TNC: variants seen among roughly 807,000 people sequenced by gnomAD.
TNC encodes the protein tenascin.
Under a neutral mutation model 202.4 loss-of-function variants are expected in TNC, and 109 were observed. The observed-to-expected ratio is 0.54, with a 90% CI of 0.46 to 0.63. TNC has a LOEUF of 0.63. TNC is among the 30% of genes least tolerant of loss of function. TNC has a pLI of 0.00. For missense variants in TNC, 2,756 were observed against 2,833.3 expected (o/e 0.97, Z 0.62); for synonymous variants, 1,007 against 1,089.7 (o/e 0.92, Z 1.50).
rs572751334 is a variant in TNC at position 115,076,203 on chromosome 9, T to C, written c.2861-82A>G. 55 of 1,473,542 alleles carry C rather than the reference T, an allele frequency of 3.7e-5. No homozygotes were observed. The African/African-American group carries it at 7.2e-4, about 19-fold the overall frequency. 91.3% of individuals were successfully genotyped at this position (1,473,542 alleles called of 1,614,324 possible). A position where few individuals can be genotyped will look rare whatever the true frequency, so the allele number is the denominator to read the frequency against. ...GATGATAAAAATGGCTTTGAGTTGGTCTCTGGAGGCTACAACAAATTTTCG... is the reference window on the plus strand; with the variant it reads ...GATGATAAAAATGGCTTTGAGTTGGCCTCTGGAGGCTACAACAAATTTTCG... On this transcript the variant is annotated intron_variant, in intron 8 of 27. Transcript: ENST00000350763.
chr9:115,053,109 C>G (rs917091011), intron 15 of TNC: 1 of 637,566 alleles, frequency 1.6e-6, no homozygotes, highest in Non-Finnish European at 2.9e-6. Context: ...ATGAAAGCAT[C>G]AATATCTCCA....
At chr9:115,068,937 C>A (rs942335562) in intron 10 of TNC, among the ~76,000 whole-genome samples, 1 of 152,170 alleles carries the variant, frequency 6.6e-6, no homozygotes, top group African/African-American at 2.4e-5. Context: ...TCCCACAAAT[C>A]CCTCTAAAAC....
At chr9:115,110,021 C>G (rs1428112840) in intron 1 of TNC, among the ~76,000 whole-genome samples, 1 of 152,046 alleles carries the variant, frequency 6.6e-6, no homozygotes, top group South Asian at 2.1e-4. Context: ...GAGGGGCAGA[C>G]AGGCCATTCC....
intron 27 of TNC, among the ~76,000 whole-genome samples, 181 bp from the exon 28 acceptor site, chr9:115,021,448 G>T (rs1829064542): frequency 6.6e-6 from 1 of 152,170 alleles, no homozygotes; most frequent in Admixed American, 6.5e-5. Context: ...GGTCTGGGTT[G>T]TGGAAACTTT....
chr9:115,078,497 A>T (rs913663147), intron 6 of TNC, among the ~76,000 whole-genome samples: 2 of 151,966 alleles, frequency 1.3e-5, no homozygotes, highest in African/African-American at 2.4e-5. Flanking sequence ...CACATGAAAA[A>T]AAAAAAGGTT....
intron 15 of TNC, among the ~76,000 whole-genome samples, chr9:115,048,873 C>T (rs1019526506): frequency 5.9e-5 from 9 of 151,620 alleles, no homozygotes; most frequent in African/African-American, 1.9e-4. Context: ...GTTCTTTATA[C>T]AAATAGGTTG....
Position 115,030,330 on chromosome 9 carries a change from G to T in TNC, c.5996C>A (p.Thr1999Asn), listed in dbSNP as rs376405805. Residue 1999 changes from threonine to asparagine, a missense_variant, in exon 24 of 28, where the codon ACC becomes AAC. Thr to Asn is a moderately conservative substitution (Grantham distance 65). This residue lies in a region of TNC where 197 missense variants were observed against 287.3 expected (regional missense o/e 0.69). Coordinates refer to ENST00000350763, the MANE Select transcript of TNC (RefSeq NM_002160.4). ...LNGDTTSGLY[T>N]IYLNGDKAEA... ...AGCCTTATCACCATTCAGATAAATG[G>T]TGTAGAGGCCAGAGGTCGTGTCTCC... is the stretch of plus-strand genomic sequence containing the variant. The T allele has an allele frequency of 6.2e-7, 1 of 1,613,878 alleles. No individual in the cohort carries two copies. The highest frequency in any genetic ancestry group is 8.5e-7 in the Non-Finnish European group (1 of 1,179,902).
intron 27 of TNC, among the ~76,000 whole-genome samples, chr9:115,022,723 C>T (rs1829172320): frequency 6.6e-6 from 1 of 152,154 alleles, no homozygotes; most frequent in Non-Finnish European, 1.5e-5. Context: ...AAGAAATGTC[C>T]TGTGACTCTT....
At chr9:115,026,405 T>C in intron 26 of TNC, 129 bp downstream of exon 26, 1 of 1,002,048 alleles carries the variant, frequency 1.0e-6, no homozygotes, top group Non-Finnish European at 1.5e-6. Flanking sequence ...ACTCAGTAGG[T>C]ACTTAAATAT....
At chr9:115,089,502 CTA>C (rs1491252450) in intron 2 of TNC, among the ~76,000 whole-genome samples, 5 of 146,970 alleles carry the variant, frequency 3.4e-5, no homozygotes, top group African/African-American at 5.1e-5. Flanking sequence ...CTCTCTCTCT[CTA>C]TCTCTTTTTT....
chr9:115,061,210 A>T (rs928334547), intron 13 of TNC, among the ~76,000 whole-genome samples: 2 of 152,196 alleles, frequency 1.3e-5, no homozygotes, highest in African/African-American at 4.8e-5. Context: ...GTATCCAAGG[A>T]TTCAATGCCC....
chr9:115,076,268 G>C, intron 8 of TNC, 122 bp downstream of exon 8: 1 of 1,411,648 alleles, frequency 7.1e-7, no homozygotes, highest in South Asian at 1.2e-5. Context: ...CCAATAAGCA[G>C]TATTTCAGGA....
chr9:115,042,922 C>G (rs72758637), intron 17 of TNC, among the ~76,000 whole-genome samples: 20,937 of 152,138 alleles, frequency 0.14, 1,569 homozygotes, highest in Non-Finnish European at 0.16. Context: ...CACACAAACA[C>G]TGACCTGGGC....
chr9:115,090,762 C>A lies in TNC; in HGVS notation c.257G>T (p.Ser86Ile), dbSNP rs1835160508. ...DLAPPSEPSE[S>I]FQEHTVDGEN... is the part of the protein sequence containing the mutation. ...CCCATCCACTGTGTGCTCCTGAAAG[C>A]TTTCGCTGGGCTCTGAAGGCGGTGC... is the stretch of plus-strand genomic sequence containing the variant. The change falls in exon 2 of 28, where the codon AGC becomes ATC. Residue 86 changes from serine to isoleucine, a missense_variant. Ser to Ile is a moderately radical substitution (Grantham distance 142). Coordinates refer to ENST00000350763, the MANE Select transcript of TNC (RefSeq NM_002160.4). The A allele has an allele frequency of 1.9e-6, 3 of 1,614,104 alleles. No homozygotes were observed. In the South Asian group the frequency reaches 3.3e-5, roughly 18 times the overall value.
At chr9:115,058,096 G>T (rs1199322208) in intron 14 of TNC, among the ~76,000 whole-genome samples, 1 of 152,178 alleles carries the variant, frequency 6.6e-6, no homozygotes, top group Non-Finnish European at 1.5e-5. Context: ...GGCCAAAAAG[G>T]CTAGTATTGC....
intron 9 of TNC, among the ~76,000 whole-genome samples, chr9:115,074,091 T>C (rs1425009020): frequency 6.6e-6 from 1 of 152,164 alleles, no homozygotes; most frequent in Non-Finnish European, 1.5e-5. Context: ...TTGAAAATAA[T>C]GTCATGGAAT....
intron 20 of TNC, 89 bp downstream of exon 20, chr9:115,038,172 C>G: frequency 6.6e-7 from 1 of 1,522,342 alleles, no homozygotes; most frequent in Non-Finnish European, 8.9e-7. Flanking sequence ...CATCCTGTAC[C>G]AAATGTGGCA....
At chr9:115,085,584 C>G (rs1834646614) in intron 3 of TNC, among the ~76,000 whole-genome samples, 1 of 152,156 alleles carries the variant, frequency 6.6e-6, no homozygotes, top group African/African-American at 2.4e-5. Flanking sequence ...ATGAGTTAGG[C>G]AGACTTGAAT....
intron 24 of TNC, among the ~76,000 whole-genome samples, chr9:115,029,714 G>A (rs1342964779): frequency 6.6e-6 from 1 of 152,208 alleles, no homozygotes; most frequent in Non-Finnish European, 1.5e-5. Flanking sequence ...TGTAACAAAT[G>A]CACCATTCTG....
Sources: allele counts gnomAD v4.1 joint callset (sites outside exome capture counted in the v4.1 genomes callset), GRCh38; gene constraint gnomAD v4.1.1; regional missense constraint gnomAD v4.1.1; transcripts MANE v1.5; gene names NCBI Gene and HGNC (gene_info 2026-07-23, HGNC 2026-07-21).